Variants in RANBP2 observed in about 807,000 individuals in gnomAD.
RANBP2 encodes E3 SUMO-protein ligase RanBP2.
RANBP2 carries 57 observed loss-of-function variants against 303.6 expected under a neutral mutation model. The observed-to-expected ratio is 0.19, with a 90% CI of 0.15 to 0.23. The LOEUF (loss-of-function observed/expected upper bound fraction) is 0.23. Among genes scored for constraint, RANBP2 ranks in the 10% least tolerant of loss-of-function variants. RANBP2 has a pLI of 1.00. For synonymous variants in RANBP2, 1,167 were observed against 1,301.5 expected (o/e 0.90, Z 2.23); for missense variants, 3,138 against 3,780.8 (o/e 0.83, Z 4.46).
the RANBP2 span, among the ~76,000 whole-genome samples, chr2:108,858,503 C>T: frequency 6.6e-6 from 1 of 152,164 alleles, no homozygotes; most frequent in Non-Finnish European, 1.5e-5. Context: ...TTGATGATGT[C>T]TGACTGAAGA....
At chr2:108,761,845 T>C (rs1317410059) in intron 18 of RANBP2, among the ~76,000 whole-genome samples, 1 of 152,206 alleles carries the variant, frequency 6.6e-6, no homozygotes, top group Non-Finnish European at 1.5e-5. Context: ...CCTTTTTTAA[T>C]GCTTGTGAGG....
the RANBP2 span, among the ~76,000 whole-genome samples, chr2:109,081,364 C>T: frequency 2.0e-5 from 3 of 152,270 alleles, no homozygotes; most frequent in South Asian, 6.2e-4. Flanking sequence ...GGGGGCAGCC[C>T]CCCATGCAGG....
the RANBP2 span, among the ~76,000 whole-genome samples, chr2:109,653,189 G>A: frequency 5.9e-5 from 9 of 152,152 alleles, no homozygotes; most frequent in South Asian, 1.5e-3. Context: ...GAGGTCAAGA[G>A]TTCGAGACCA....
the RANBP2 span, among the ~76,000 whole-genome samples, chr2:109,117,506 G>T: frequency 6.6e-6 from 1 of 152,198 alleles, no homozygotes; most frequent in Admixed American, 6.5e-5. Flanking sequence ...TATTAGGGTG[G>T]GAGTGACCCA....
rs759688122 is a variant in RANBP2 at position 108,764,014 on chromosome 2, G to A, written c.3475G>A (p.Gly1159Arg). 1 of 1,613,928 alleles carries A rather than the reference G, an allele frequency of 6.2e-7. No individual in the cohort carries two copies. Among genetic ancestry groups the A allele is most frequent in the South Asian group, 1.1e-5 (1 of 91,080 alleles). The change falls in exon 20 of 29, where the codon GGA becomes AGA. Residue 1159 changes from glycine to arginine, a missense_variant. Around this residue, in one of 20 missense-constraint regions of RANBP2, gnomAD observed 403 missense variants for 376.7 expected, o/e 1.07. Transcript: ENST00000283195. ...TANKNHETDG[G>R]SAHGDDDDDG... ...AAACAAGAATCATGAGACAGATGGAGGAAGTGCCCATGGGGATGATGATGA... is the reference window on the plus strand; with the variant it reads ...AAACAAGAATCATGAGACAGATGGAAGAAGTGCCCATGGGGATGATGATGA...
the RANBP2 span, chr2:109,128,989 C>A: frequency 7.1e-6 from 3 of 425,234 alleles, no homozygotes; most frequent in Admixed American, 7.8e-5. Context: ...CGCGCACGTG[C>A]TCGCGGCCGA....
chr2:109,322,755 G>GCAAATAAGGATT, the RANBP2 span, among the ~76,000 whole-genome samples: 1 of 152,168 alleles, frequency 6.6e-6, no homozygotes, highest in African/African-American at 2.4e-5. Flanking sequence ...TGCTTTTCCA[G>GCAAATAAGGATT]CAAATAAGGA....
chr2:109,581,649 G>A, the RANBP2 span, among the ~76,000 whole-genome samples: 3 of 151,950 alleles, frequency 2.0e-5, no homozygotes, highest in Non-Finnish European at 4.4e-5. Flanking sequence ...TCACAGAATC[G>A]TATTTATATA....
the RANBP2 span, among the ~76,000 whole-genome samples, chr2:109,453,513 G>A: frequency 6.6e-6 from 1 of 152,192 alleles, no homozygotes; most frequent in East Asian, 1.9e-4. Context: ...AAGTCCAGGG[G>A]AGAGTCACCC....
the RANBP2 span, among the ~76,000 whole-genome samples, chr2:109,157,759 C>T: frequency 6.6e-6 from 1 of 152,184 alleles, no homozygotes; most frequent in African/African-American, 2.4e-5. Flanking sequence ...ATGTCATCAA[C>T]AGGGACTTTG....
the RANBP2 span, among the ~76,000 whole-genome samples, chr2:109,189,294 G>T: frequency 7.6e-3 from 1,147 of 151,916 alleles, 5 homozygotes; most frequent in Middle Eastern, 0.041. Flanking sequence ...CATTCTGATT[G>T]TCAGGCTCCA....
chr2:108,858,083 C>T, the RANBP2 span, among the ~76,000 whole-genome samples: 2 of 152,210 alleles, frequency 1.3e-5, no homozygotes, highest in Non-Finnish European at 2.9e-5. Flanking sequence ...GTGGCTCATG[C>T]CTGTAATCCC....
rs1440492329 is a variant in RANBP2 at position 108,765,211 on chromosome 2, G to A, written c.4672G>A (p.Ala1558Thr). ...DCSSCLVRNEANATRCVACQN... is the reference protein window; with the variant it reads ...DCSSCLVRNETNATRCVACQN... ...CAGTTCATGCTTAGTGCGAAATGAA[G>A]CAAATGCTACAAGATGTGTTGCTTG... Residue 1558 changes from alanine to threonine, a missense_variant, in exon 20 of 29, where the codon GCA becomes ACA. Transcript: ENST00000283195. 6.2e-7 allele frequency: 1 copy of A among 1,614,136 alleles called. No individual in the cohort carries two copies. The highest frequency in any genetic ancestry group is 1.3e-5 in the African/African-American group (1 of 75,040).
chr2:108,786,768 G>A, downstream of RANBP2: 2 of 1,486,876 alleles, frequency 1.3e-6, no homozygotes, highest in Non-Finnish European at 1.8e-6. Context: ...GCCGCGTAGC[G>A]CCGCGGGTTT....
the RANBP2 span, chr2:109,130,107 G>C: frequency 3.0e-6 from 4 of 1,328,342 alleles, no homozygotes; most frequent in Non-Finnish European, 3.8e-6. Flanking sequence ...CCGCGCCGGC[G>C]GCAAAGGTGA....
chr2:108,831,406 A>G, the RANBP2 span, among the ~76,000 whole-genome samples: 1 of 152,228 alleles, frequency 6.6e-6, no homozygotes, highest in Non-Finnish European at 1.5e-5. Context: ...AACATTCAAA[A>G]GATAAGAAAA....
chr2:108,739,157 C>T (rs964987668), intron 6 of RANBP2, among the ~76,000 whole-genome samples: 1 of 151,926 alleles, frequency 6.6e-6, no homozygotes, highest in Non-Finnish European at 1.5e-5. Flanking sequence ...AATCCCAGCA[C>T]TTTGGGAGGC....
chr2:109,484,824 G>A, the RANBP2 span, among the ~76,000 whole-genome samples: 1 of 152,146 alleles, frequency 6.6e-6, no homozygotes, highest in Admixed American at 6.5e-5. Context: ...GCTTTCCTGG[G>A]ACTGTCTGCA....
At chr2:108,757,747 G>A (rs1163192088) in intron 17 of RANBP2, among the ~76,000 whole-genome samples, 11 of 152,178 alleles carry the variant, frequency 7.2e-5, no homozygotes, top group South Asian at 2.1e-4. Context: ...AAGAAGTTTA[G>A]TTTGTAGATA....
Sources: allele counts gnomAD v4.1 joint callset (sites outside exome capture counted in the v4.1 genomes callset), GRCh38; gene constraint gnomAD v4.1.1; regional missense constraint gnomAD v4.1.1; transcripts MANE v1.5; gene names NCBI Gene and HGNC (gene_info 2026-07-23, HGNC 2026-07-21).